The following PTPRK variants were observed in gnomAD, a reference collection of about 807,000 sequenced individuals.
PTPRK encodes the protein receptor-type tyrosine-protein phosphatase kappa.
PTPRK carries 75 observed loss-of-function variants against 178.0 expected under a neutral mutation model. That is an observed-to-expected ratio of 0.42 (90% confidence interval 0.35 to 0.51). The LOEUF (loss-of-function observed/expected upper bound fraction) is 0.51, where lower values mean the gene tolerates loss of function less well. Ranked by LOEUF, PTPRK falls within the 20% of genes least tolerant of loss-of-function variation. PTPRK has a pLI of 0.02. For synonymous variants in PTPRK, 637 were observed against 620.6 expected (o/e 1.03, Z -0.39); for missense variants, 1,441 against 1,797.8 (o/e 0.80, Z 3.59).
intron 3 of PTPRK, among the ~76,000 whole-genome samples, chr6:128,280,123 C>T (rs1031075191): frequency 6.6e-6 from 1 of 152,146 alleles, no homozygotes; most frequent in Non-Finnish European, 1.5e-5. Flanking sequence ...GAAAACACAG[C>T]TTGAGTTAAA....
intron 24 of PTPRK, among the ~76,000 whole-genome samples, chr6:127,981,750 A>G (rs943095871): frequency 2.0e-5 from 3 of 152,200 alleles, no homozygotes; most frequent in African/African-American, 7.2e-5. Context: ...ACCCACCTTC[A>G]GGGGTGTTTT....
chr6:128,375,058 C>CATT (rs58185524), intron 2 of PTPRK, among the ~76,000 whole-genome samples: 41,849 of 132,018 alleles, frequency 0.32, 6,395 homozygotes, highest in Middle Eastern at 0.39. Flanking sequence ...AGAAACACTG[C>CATT]ATTATTATTA....
intron 15 of PTPRK, chr6:128,003,288 ATC>A: frequency 7.0e-7 from 1 of 1,434,764 alleles, no homozygotes; most frequent in Non-Finnish European, 9.6e-7. Flanking sequence ...GTTTTTTAAA[ATC>A]TTTTTTCTTT....
rs537279614 is a variant in PTPRK at position 128,082,110 on chromosome 6, G to C, written c.1777+327C>G. On this transcript the variant is annotated intron_variant, in intron 10 of 29. Transcript: ENST00000368226. ...TTGATAACATTCATTTAGAGTAAAG[G>C]TCTGACACCATAATAATTATCAACT... Among the ~76,000 whole-genome samples, 13 of 152,056 alleles carry C rather than the reference G, an allele frequency of 8.5e-5. No individual in the cohort carries two copies. The South Asian group carries it at 2.5e-3, about 29-fold the overall frequency.
intron 3 of PTPRK, among the ~76,000 whole-genome samples, chr6:128,245,970 A>G (rs1458574078): frequency 6.6e-6 from 1 of 152,200 alleles, no homozygotes; most frequent in Non-Finnish European, 1.5e-5. Flanking sequence ...TAACCCCATA[A>G]TATGAATATA....
At chr6:128,487,785 T>C (rs1453453484) in intron 1 of PTPRK, among the ~76,000 whole-genome samples, 1 of 152,128 alleles carries the variant, frequency 6.6e-6, no homozygotes, top group Non-Finnish European at 1.5e-5. Flanking sequence ...ATTAAATACA[T>C]TTGCTATGCT....
At chr6:128,312,560 T>A (rs960665214) in intron 3 of PTPRK, among the ~76,000 whole-genome samples, 1 of 152,176 alleles carries the variant, frequency 6.6e-6, no homozygotes, top group Non-Finnish European at 1.5e-5. Flanking sequence ...GCTGCCAATG[T>A]GGATGTTTTA....
At chr6:128,027,943 T>C (rs1465054916) in intron 13 of PTPRK, 1 of 152,196 alleles carries the variant, frequency 6.6e-6, no homozygotes. Flanking sequence ...ACCTCTTTCC[T>C]AGTCTATATT....
intron 13 of PTPRK, among the ~76,000 whole-genome samples, chr6:128,039,550 G>T: frequency 6.6e-6 from 1 of 152,210 alleles, no homozygotes; most frequent in East Asian, 1.9e-4. Flanking sequence ...ATACATTTTG[G>T]ATAATCATAT....
intron 15 of PTPRK, among the ~76,000 whole-genome samples, chr6:128,000,784 T>C (rs981361494): frequency 6.6e-6 from 1 of 151,976 alleles, no homozygotes; most frequent in Admixed American, 6.6e-5. Flanking sequence ...AGAGGCAAAA[T>C]GCAATCACTC....
At chr6:128,102,413 A>T (rs937038475) in intron 7 of PTPRK, among the ~76,000 whole-genome samples, 1 of 152,226 alleles carries the variant, frequency 6.6e-6, no homozygotes, top group African/African-American at 2.4e-5. Context: ...AAATTTTAAA[A>T]GTCTTAAGAC....
intron 3 of PTPRK, among the ~76,000 whole-genome samples, chr6:128,244,602 T>C (rs979569366): frequency 2.6e-5 from 4 of 152,224 alleles, no homozygotes; most frequent in Non-Finnish European, 5.9e-5. Context: ...CAGTGGCATC[T>C]AGATGCACAC....
At chr6:128,263,211 T>C (rs1818443081) in intron 3 of PTPRK, among the ~76,000 whole-genome samples, 1 of 152,122 alleles carries the variant, frequency 6.6e-6, no homozygotes, top group Admixed American at 6.6e-5. Flanking sequence ...ATGACAGAGT[T>C]CTTGGGAGGA....
intron 13 of PTPRK, among the ~76,000 whole-genome samples, chr6:128,047,079 A>T (rs1014960880): frequency 1.2e-4 from 19 of 152,228 alleles, no homozygotes; most frequent in African/African-American, 4.3e-4. Flanking sequence ...TAATTAGTGA[A>T]TAGACCACAA....
chr6:128,432,062 C>G (rs1008029872), intron 1 of PTPRK, among the ~76,000 whole-genome samples: 1 of 152,160 alleles, frequency 6.6e-6, no homozygotes, highest in Non-Finnish European at 1.5e-5. Context: ...AATACAGCTC[C>G]TTAGAGTCTT....
In PTPRK at chr6:127,998,846, G is replaced by T. The variant is rs748669822; in HGVS notation, c.2553C>A (p.Leu851=). Residue 851 remains leucine, a synonymous_variant, in exon 16 of 30, where the codon CTC becomes CTA. Coordinates refer to ENST00000368226, the MANE Select transcript of PTPRK (RefSeq NM_002844.4). ...SSRLLDVPRY[L]CEGTESPYQT... is the part of the protein sequence containing the mutation. ...GGTAAGGGGATTCCGTCCCCTCACA[G>T]AGGTAGCGAGGTACGTCTAGAAGGC... is the stretch of plus-strand genomic sequence containing the variant. The T allele has an allele frequency of 6.7e-5, 107 of 1,605,364 alleles. No homozygotes were observed. The highest frequency in any genetic ancestry group is 9.0e-5 in the Non-Finnish European group (106 of 1,174,506).
intron 1 of PTPRK, among the ~76,000 whole-genome samples, chr6:128,500,074 T>C (rs1478563551): frequency 6.6e-6 from 1 of 152,184 alleles, no homozygotes; most frequent in East Asian, 1.9e-4. Context: ...ACCTCTGAAA[T>C]ACTCAGGCAA....
At position 128,235,054 on chromosome 6, in the gene PTPRK, C is replaced by T. The variant is rs186827671; in HGVS notation, c.693+4981G>A. ...AAGAAATAATAAATACTCAAGGTTA[C>T]GGATACATCAATTACCCTAATTGGA... On this transcript the variant is annotated intron_variant, in intron 5 of 29. Coordinates refer to ENST00000368226, the MANE Select transcript of PTPRK (RefSeq NM_002844.4). 4.1e-3 allele frequency among the ~76,000 whole-genome samples: 624 copies of T among 152,122 alleles called. 4 individuals are homozygous for T. Among genetic ancestry groups the T allele is most frequent in the Non-Finnish European group, 7.6e-3 (517 of 67,962 alleles).
intron 7 of PTPRK, among the ~76,000 whole-genome samples, chr6:128,118,397 C>T (rs368280763): frequency 6.6e-5 from 10 of 152,218 alleles, no homozygotes; most frequent in East Asian, 3.9e-4. Context: ...AAATACAGGA[C>T]GTAGAATTCA....
Sources: allele counts gnomAD v4.1 joint callset (sites outside exome capture counted in the v4.1 genomes callset), GRCh38; gene constraint gnomAD v4.1.1; transcripts MANE v1.5; gene names NCBI Gene and HGNC (gene_info 2026-07-23, HGNC 2026-07-21).